Variants in FAM228B observed in about 807,000 individuals in gnomAD.
FAM228B encodes the protein family with sequence similarity 228 member B.
FAM228B carries 38 observed loss-of-function variants against 42.6 expected under a neutral mutation model. The observed-to-expected ratio is 0.89, with a 90% CI of 0.69 to 1.17. The LOEUF (loss-of-function observed/expected upper bound fraction) is 1.17. Ranked by LOEUF, FAM228B falls within the 50% of genes most tolerant of loss-of-function variation. The pLI is 0.00. For missense variants in FAM228B, 344 were observed against 367.3 expected (o/e 0.94, Z 0.52); for synonymous variants, 109 against 122.3 (o/e 0.89, Z 0.72).
intron 3 of FAM228B, among the ~76,000 whole-genome samples, chr2:24,098,870 G>A (rs1665553061): frequency 6.6e-6 from 1 of 152,190 alleles, no homozygotes; most frequent in South Asian, 2.1e-4. Context: ...GAACATCAAT[G>A]CGAAAATCCT....
In FAM228B at chr2:24,169,565, C is replaced by T; in HGVS notation, c.*224C>T. 1 of 288,846 alleles carries T rather than the reference C, an allele frequency of 3.5e-6. No individual in the cohort carries two copies. The allele number at this position is 288,846 out of a possible 1,614,324, so 17.9% of individuals were successfully genotyped here. A position where few individuals can be genotyped will look rare whatever the true frequency, so the allele number is the denominator to read the frequency against. ...AGTGTCTGTGATAATTAAGAAATGG[C>T]AATACCATGTATTTTCCCCAGAAGT... On this transcript the variant is annotated 3_prime_UTR_variant, in exon 11 of 11. Transcript: ENST00000615575. This position sits in a 1 kb window ranked among gnomAD's most constrained non-coding sequence, Gnocchi z 4.2.
intron 7 of FAM228B, among the ~76,000 whole-genome samples, chr2:24,156,630 A>C (rs1023260552): frequency 6.6e-6 from 1 of 152,130 alleles, no homozygotes; most frequent in African/African-American, 2.4e-5. Flanking sequence ...GCAAAACTCC[A>C]TCTCAAAAAT....
At chr2:24,125,167 A>T (rs1573758577) in intron 2 of FAM228B, among the ~76,000 whole-genome samples, 1 of 152,162 alleles carries the variant, frequency 6.6e-6, no homozygotes, top group East Asian at 1.9e-4. Flanking sequence ...GCTTGAGCCC[A>T]GGAGTTCTAT....
At chr2:24,119,528 G>T, upstream of FAM228B, 1 of 1,355,734 alleles carries the variant, frequency 7.4e-7, no homozygotes, top group Non-Finnish European at 1.0e-6. Flanking sequence ...GTAGTCGGAA[G>T]ACCCAACTAA....
intron 3 of FAM228B, among the ~76,000 whole-genome samples, chr2:24,111,849 A>G (rs1189253524): frequency 3.3e-5 from 5 of 149,720 alleles, no homozygotes; most frequent in African/African-American, 1.2e-4. Context: ...ATTACATACA[A>G]CTCCCATCTG....
At chr2:24,138,221 G>A in intron 4 of FAM228B, 121 bp downstream of exon 4, 1 of 681,140 alleles carries the variant, frequency 1.5e-6, no homozygotes, top group Non-Finnish European at 2.4e-6. Flanking sequence ...TCTATACCCT[G>A]TTACATAATA....
At chr2:24,122,562 G>A (rs771165538), upstream of FAM228B, 3 of 1,505,280 alleles carry the variant, frequency 2.0e-6, no homozygotes, top group Admixed American at 5.2e-5. Context: ...AAGGGAAAGT[G>A]CAGTTGAAGC....
At chr2:24,096,966 G>C (rs1431913008) in intron 3 of FAM228B, 1 of 152,062 alleles carries the variant, frequency 6.6e-6, no homozygotes, top group African/African-American at 2.4e-5. Flanking sequence ...AGAGAGTGGG[G>C]GCCAATATTC....
chr2:24,079,385 G>C (rs1664898047), intron 1 of FAM228B: 3 of 1,571,098 alleles, frequency 1.9e-6, no homozygotes, highest in Non-Finnish European at 2.6e-6. Flanking sequence ...TCGGGGTAAT[G>C]TAAATGAACC....
chr2:24,077,392 A>ACCTCAACC lies in FAM228B; in HGVS notation c.-290+426_-290+433dup. 3.3e-6 allele frequency: 2 copies of ACCTCAACC among 604,068 alleles called. No homozygotes were observed. Among genetic ancestry groups the ACCTCAACC allele is most frequent in the Non-Finnish European group, 5.3e-6 (2 of 378,988 alleles). The allele number at this position is 604,068 out of a possible 1,614,324, so 37.4% of individuals were successfully genotyped here. A position where few individuals can be genotyped will look rare whatever the true frequency, so the allele number is the denominator to read the frequency against. The stretch of plus-strand genomic sequence containing the variant: ...CGCTGCGACGCCCGTCCGGACTCCC[A>ACCTCAACC]CCTCAACCCCGCCGCGGCGGCCCCA... On this transcript the variant is annotated intron_variant, in intron 1 of 10. Coordinates refer to the FAM228B transcript ENST00000613899. The surrounding 1 kb of genome is among the most constrained non-coding windows in gnomAD (Gnocchi z 5.5).
chr2:24,119,245 G>A (rs1666021659), upstream of FAM228B, among the ~76,000 whole-genome samples: 1 of 151,730 alleles, frequency 6.6e-6, no homozygotes, highest in Non-Finnish European at 1.5e-5. Flanking sequence ...CCTGAAACTT[G>A]CCAAATCAGG....
At chr2:24,087,957 G>C (rs34357414) in intron 2 of FAM228B, among the ~76,000 whole-genome samples, 17,699 of 151,908 alleles carry the variant, frequency 0.12, 1,229 homozygotes, top group South Asian at 0.18. Context: ...AGTCCAGGCT[G>C]GTCGCAAACT....
At chr2:24,168,294 G>A (rs991129859) in intron 10 of FAM228B, among the ~76,000 whole-genome samples, 1 of 152,162 alleles carries the variant, frequency 6.6e-6, no homozygotes, top group Non-Finnish European at 1.5e-5. Flanking sequence ...CCTGCGGAAC[G>A]CCAAGATTTA....
At chr2:24,120,277 A>AAAAC (rs1553329187), upstream of FAM228B, among the ~76,000 whole-genome samples, 1,052 of 151,498 alleles carry the variant, frequency 6.9e-3, 12 homozygotes, top group African/African-American at 0.024. Context: ...TCAAAAAAAA[A>AAAAC]AACAACAACA....
chr2:24,157,152 T>C (rs899881539), intron 7 of FAM228B, among the ~76,000 whole-genome samples: 6 of 152,186 alleles, frequency 3.9e-5, no homozygotes, highest in Non-Finnish European at 7.3e-5. Context: ...CCTTTTGGAG[T>C]TGATTTCCAA....
At chr2:24,103,783 C>T (rs1665651421) in intron 3 of FAM228B, among the ~76,000 whole-genome samples, 1 of 152,166 alleles carries the variant, frequency 6.6e-6, no homozygotes, top group South Asian at 2.1e-4. Flanking sequence ...GTATGTGGAG[C>T]GCGGGTCTAC....
chr2:24,126,941 A>G (rs1033061993), intron 2 of FAM228B, among the ~76,000 whole-genome samples: 2 of 152,156 alleles, frequency 1.3e-5, no homozygotes, highest in Non-Finnish European at 2.9e-5. Flanking sequence ...TCACTACTCT[A>G]AAGTGTACAA....
In FAM228B at chr2:24,124,585, C is replaced by T. The variant is rs938439035; in HGVS notation, c.99+125C>T. On this transcript the variant is annotated intron_variant, in intron 2 of 10. Transcript: ENST00000615575. Reference sequence around the variant, plus strand: ...TTTATTTCATTCTGTTTATTATTCCCTTCACTTTACTAACTTTGTATATTC... The same window carrying T: ...TTTATTTCATTCTGTTTATTATTCCTTTCACTTTACTAACTTTGTATATTC... 12 of 594,610 alleles carry T rather than the reference C, an allele frequency of 2.0e-5. No individual in the cohort carries two copies. In the African/African-American group the frequency reaches 2.2e-4, roughly 11 times the overall value. The allele number at this position is 594,610 out of a possible 1,614,324, so 36.8% of individuals were successfully genotyped here.
chr2:24,136,265 TG>T (rs1171045385), intron 3 of FAM228B, among the ~76,000 whole-genome samples: 2 of 151,950 alleles, frequency 1.3e-5, no homozygotes, highest in East Asian at 3.9e-4. Context: ...CTTACTTCTT[TG>T]CCCAGGCTGG....
Sources: allele counts gnomAD v4.1 joint callset (sites outside exome capture counted in the v4.1 genomes callset), GRCh38; gene constraint gnomAD v4.1.1; non-coding constraint Gnocchi (gnomAD v3.1); transcripts MANE v1.5; gene names NCBI Gene and HGNC (gene_info 2026-07-23, HGNC 2026-07-21).